GHSR: variants seen among roughly 807,000 people sequenced by gnomAD.
The protein encoded by GHSR is growth hormone secretagogue receptor.
GHSR carries 17 observed loss-of-function variants against 24.0 expected under a neutral mutation model. The ratio of observed to expected loss-of-function variants is 0.71; its 90% confidence interval spans 0.49 to 1.06. The LOEUF is 1.06. Ranked by LOEUF, GHSR falls within the 50% of genes least tolerant of loss-of-function variation. The pLI is 0.00. For synonymous variants in GHSR, 238 were observed against 208.1 expected (o/e 1.14, Z -1.24); for missense variants, 504 against 483.1 (o/e 1.04, Z -0.41).
intron 1 of GHSR, 139 bp downstream of exon 1, chr3:172,447,479 A>G (rs1307268298): frequency 1.3e-6 from 2 of 1,504,090 alleles, no homozygotes; most frequent in Middle Eastern, 1.8e-4. Context: ...AGAAACGCAG[A>G]GAGACAGAGG....
intron 1 of GHSR, among the ~76,000 whole-genome samples, chr3:172,446,439 G>A (rs530032444): frequency 5.9e-5 from 9 of 152,186 alleles, no homozygotes; most frequent in African/African-American, 1.7e-4. Context: ...GAGAATCACC[G>A]GTCCAGAAAA....
intron 1 of GHSR, 137 bp downstream of exon 1, chr3:172,447,481 A>T (rs1737490681): frequency 6.6e-7 from 1 of 1,506,696 alleles, no homozygotes; most frequent in African/African-American, 1.4e-5. Context: ...AAACGCAGAG[A>T]GACAGAGGCC....
Position 172,445,100 on chromosome 3 carries a change from T to G in GHSR, c.*61A>C, listed in dbSNP as rs747213556. 2.5e-6 allele frequency: 4 copies of G among 1,579,340 alleles called. No individual in the cohort carries two copies. Among genetic ancestry groups the G allele is most frequent in the Non-Finnish European group, 3.5e-6 (4 of 1,149,480 alleles). ...TAACCTTCAGCTTCCTCCCAAGTTC[T>G]GCTGTGCTATGTCTTCCGGTTTAGA... On this transcript the variant is annotated 3_prime_UTR_variant, in exon 2 of 2. Transcript: ENST00000241256.
At position 172,445,028 on chromosome 3, in the gene GHSR, T is replaced by G. The variant is rs1174187481; in HGVS notation, c.*133A>C. Reference sequence around the variant, plus strand: ...CTCACACCCTACAAATGATATCTTTTTTCCCTCCCAGATGTTTCTGGATCT... The same window carrying G: ...CTCACACCCTACAAATGATATCTTTGTTCCCTCCCAGATGTTTCTGGATCT... On this transcript the variant is annotated 3_prime_UTR_variant, in exon 2 of 2. Transcript: ENST00000241256. 4.1e-6 allele frequency: 4 copies of G among 980,490 alleles called. No individual in the cohort carries two copies. Among genetic ancestry groups the G allele is most frequent in the Non-Finnish European group, 6.4e-6 (4 of 627,014 alleles). The allele number at this position is 980,490 out of a possible 1,614,324, so 60.7% of individuals were successfully genotyped here.
At position 172,444,886 on chromosome 3, in the gene GHSR, C is replaced by T. The variant is rs1388933991; in HGVS notation, c.*275G>A. Among the ~76,000 whole-genome samples the T allele has an allele frequency of 1.3e-5, 2 of 152,154 alleles. No individual in the cohort carries two copies. The highest frequency in any genetic ancestry group is 2.9e-5 in the Non-Finnish European group (2 of 68,020). On this transcript the variant is annotated 3_prime_UTR_variant, in exon 2 of 2. Coordinates refer to ENST00000241256, the MANE Select transcript of GHSR (RefSeq NM_198407.2). ...CTAATTGCTCACTCTGCTCTTCCTC[C>T]TTTCTCTGAATTGCAAAGCCCTCAC... is the stretch of plus-strand genomic sequence containing the variant.
In GHSR at chr3:172,446,560, A is replaced by T. The variant is rs77764123; in HGVS notation, c.796+1058T>A. 2.0e-4 allele frequency among the ~76,000 whole-genome samples: 30 copies of T among 152,364 alleles called. No individual in the cohort carries two copies. The East Asian group carries it at 5.2e-3, about 26-fold the overall frequency. ...CTGGAATGGCTTCTAAGAAGCCTTA[A>T]AATATGCCATTAAGTATGAAGTCTT... On this transcript the variant is annotated intron_variant, in intron 1 of 1. Transcript: ENST00000241256.
intron 1 of GHSR, among the ~76,000 whole-genome samples, chr3:172,446,492 A>G (rs1343995250): frequency 1.3e-5 from 2 of 152,184 alleles, no homozygotes; most frequent in Non-Finnish European, 2.9e-5. Context: ...TCACTTTAAT[A>G]TGGAGGATCC....
At position 172,448,321 on chromosome 3, in the gene GHSR, G is replaced by C. The variant is rs1237085669; in HGVS notation, c.93C>G (p.Gly31=). 1.9e-6 allele frequency: 3 copies of C among 1,608,284 alleles called. No homozygotes were observed. Among genetic ancestry groups the C allele is most frequent in the African/African-American group, 2.7e-5 (2 of 74,930 alleles). ...WDASPGNDSL[G]DELLQLFPAP... ...CGGGGAAGAGCTGCAGCAGCTCGTC[G>C]CCCAGCGAGTCGTTGCCGGGGGAAG... Residue 31 remains glycine, a synonymous_variant, in exon 1 of 2, where the codon GGC becomes GGG. Transcript: ENST00000241256. This position sits in a 1 kb window ranked among gnomAD's most constrained non-coding sequence, Gnocchi z 4.8.
chr3:172,445,017 A>G lies in GHSR; in HGVS notation c.*144T>C. On this transcript the variant is annotated 3_prime_UTR_variant, in exon 2 of 2. Coordinates refer to ENST00000241256, the MANE Select transcript of GHSR (RefSeq NM_198407.2). ...AAATCAAACTGCTCACACCCTACAA[A>G]TGATATCTTTTTTCCCTCCCAGATG... is the stretch of plus-strand genomic sequence containing the variant. 1 of 888,652 alleles carries G rather than the reference A, an allele frequency of 1.1e-6. No homozygotes were observed. The highest frequency in any genetic ancestry group is 1.8e-6 in the Non-Finnish European group (1 of 548,428). 55.0% of individuals were successfully genotyped at this position (888,652 alleles called of 1,614,324 possible).
In GHSR at chr3:172,444,270, A is replaced by G. The variant is rs1737405903; in HGVS notation, c.*891T>C. Among the ~76,000 whole-genome samples the G allele has an allele frequency of 6.6e-6, 1 of 152,178 alleles. No homozygotes were observed. The highest frequency in any genetic ancestry group is 1.5e-5 in the Non-Finnish European group (1 of 68,012). Reference sequence around the variant, plus strand: ...TTCTGCTGTGTGAACATCACTATAAAAACATTTTAGGGAAACAGTATTTAT... The same window carrying G: ...TTCTGCTGTGTGAACATCACTATAAGAACATTTTAGGGAAACAGTATTTAT... On this transcript the variant is annotated 3_prime_UTR_variant, in exon 2 of 2. Coordinates refer to ENST00000241256, the MANE Select transcript of GHSR (RefSeq NM_198407.2).
chr3:172,447,876 C>A lies in GHSR; in HGVS notation c.538G>T (p.Val180Leu), dbSNP rs200032789. The change falls in exon 1 of 2, where the codon GTG becomes TTG. Residue 180 changes from valine (V) to leucine (L), a missense_variant. Val to Leu is a conservative substitution (Grantham distance 32). Coordinates refer to ENST00000241256, the MANE Select transcript of GHSR (RefSeq NM_198407.2). ...TTCTCGTGCTCCACCCCGACTAGCA[C>A]GAAGATGGGCCCGGCGCTGCAGAAG... ...VAFCSAGPIF[V>L]LVGVEHENGT... 59 of 1,613,628 alleles carry A rather than the reference C, an allele frequency of 3.7e-5. No homozygotes were observed. The highest frequency in any genetic ancestry group is 3.3e-4 in the Middle Eastern group (2 of 6,060).
At position 172,443,827 on chromosome 3, in the gene GHSR, A is replaced by C. The variant is rs1737395426; in HGVS notation, c.*1334T>G. ...CAATGGGATATAAGCAGCAAAACTA[A>C]TTTGGAGACAGGACACAGCATAGAC... On this transcript the variant is annotated 3_prime_UTR_variant, in exon 2 of 2. Transcript: ENST00000241256. Among the ~76,000 whole-genome samples, 1 of 152,182 alleles carries C rather than the reference A, an allele frequency of 6.6e-6. No individual in the cohort carries two copies. The highest frequency in any genetic ancestry group is 6.5e-5 in the Admixed American group (1 of 15,276).
At chr3:172,447,135 A>G (rs2108425808) in intron 1 of GHSR, among the ~76,000 whole-genome samples, 1 of 152,344 alleles carries the variant, frequency 6.6e-6, no homozygotes, top group South Asian at 2.1e-4. Context: ...TGCTTTTCTT[A>G]ATGTAACTTA....
chr3:172,447,492 C>T lies in GHSR; in HGVS notation c.796+126G>A. 4 of 1,522,804 alleles carry T rather than the reference C, an allele frequency of 2.6e-6. No homozygotes were observed. In the Middle Eastern group the frequency reaches 5.3e-4, roughly 204 times the overall value. The allele number at this position is 1,522,804 out of a possible 1,614,324, so 94.3% of individuals were successfully genotyped here. A position where few individuals can be genotyped will look rare whatever the true frequency, so the allele number is the denominator to read the frequency against. On this transcript the variant is annotated intron_variant, in intron 1 of 1. Coordinates refer to ENST00000241256, the MANE Select transcript of GHSR (RefSeq NM_198407.2). ...AGAGAAACGCAGAGAGACAGAGGCCCAGAGAAACTGAAGAAAGAGGTAGCG... is the reference window on the plus strand; with the variant it reads ...AGAGAAACGCAGAGAGACAGAGGCCTAGAGAAACTGAAGAAAGAGGTAGCG...
Position 172,444,369 on chromosome 3 carries a change from C to G in GHSR, c.*792G>C, listed in dbSNP as rs9880652. Among the ~76,000 whole-genome samples the G allele has an allele frequency of 0.046, 7,068 of 152,106 alleles. 292 individuals are homozygous for G. Among genetic ancestry groups the G allele is most frequent in the African/African-American group, 0.1 (4,305 of 41,506 alleles). On this transcript the variant is annotated 3_prime_UTR_variant, in exon 2 of 2. Transcript: ENST00000241256. ...GAGCTGTACTGTTCTGAGTGGTAAC[C>G]TCGAGCTACTGGATACTTGAAATGT...
At chr3:172,447,366 C>T (rs773896618) in intron 1 of GHSR, 67 of 311,044 alleles carry the variant, frequency 2.2e-4, no homozygotes, top group Non-Finnish European at 3.0e-4. Context: ...GTAAGAAAGA[C>T]ACTGACAAAG....
chr3:172,447,942 C>G lies in GHSR; in HGVS notation c.472G>C (p.Gly158Arg), dbSNP rs554096465. The change falls in exon 1 of 2, where the codon GGG (glycine) becomes CGG (arginine). Residue 158 changes from glycine (G) to arginine (R), a missense_variant. Gly to Arg is a moderately radical substitution (Grantham distance 125). Transcript: ENST00000241256. Reference sequence around the variant, plus strand: ...ACGAAGATGACCAGCTTCACCCGCCCCTTGGTGACCACCACCTTGGCCCGG... The same window carrying G: ...ACGAAGATGACCAGCTTCACCCGCCGCTTGGTGACCACCACCTTGGCCCGG... ...PLRAKVVVTK[G>R]RVKLVIFVIW... 5 of 1,613,410 alleles carry G rather than the reference C, an allele frequency of 3.1e-6. 1 individual carries two copies. In the South Asian group the frequency reaches 4.4e-5, roughly 14 times the overall value.
intron 1 of GHSR, among the ~76,000 whole-genome samples, chr3:172,446,043 A>G (rs1191165938): frequency 2.0e-5 from 3 of 152,168 alleles, no homozygotes; most frequent in African/African-American, 7.2e-5. Flanking sequence ...AAGTAAGGCT[A>G]TTATTAAACC....
At position 172,447,757 on chromosome 3, in the gene GHSR, G is replaced by T. The variant is rs199551187; in HGVS notation, c.657C>A (p.Ile219=). Residue 219 remains isoleucine, a synonymous_variant, in exon 1 of 2, where the codon ATC becomes ATA. Coordinates refer to ENST00000241256, the MANE Select transcript of GHSR (RefSeq NM_198407.2). ...LLTVMVWVSS[I]FFFLPVFCLT... is the part of the protein sequence containing the mutation. ...GACAGAAGACAGGAAGGAAGAAGAAGATGCTGGACACCCACACCATGACCG... is the reference window on the plus strand; with the variant it reads ...GACAGAAGACAGGAAGGAAGAAGAATATGCTGGACACCCACACCATGACCG... 2.7e-5 allele frequency: 44 copies of T among 1,614,020 alleles called. No homozygotes were observed. The highest frequency in any genetic ancestry group is 3.6e-5 in the Non-Finnish European group (43 of 1,180,050).
Sources: gnomAD v4.1 joint callset for allele counts (sites outside exome capture counted in the v4.1 genomes callset) on GRCh38, gnomAD v4.1.1 for gene constraint, Gnocchi (gnomAD v3.1) non-coding constraint, MANE v1.5 for transcripts, NCBI Gene and HGNC (gene_info 2026-07-23, HGNC 2026-07-21) for gene names.